Variants in ARHGAP8 observed in about 807,000 individuals in gnomAD.
ARHGAP8 encodes the protein Rho GTPase activating protein 8, also known as rho GTPase-activating protein 8.
Under a neutral mutation model 46.1 loss-of-function variants are expected in ARHGAP8, and 62 were observed. That is an observed-to-expected ratio of 1.34 (90% CI 1.10 to 1.66). The LOEUF (loss-of-function observed/expected upper bound fraction) is 1.66, where lower values mean the gene tolerates loss of function less well. ARHGAP8 is among the 40% of genes most tolerant of loss of function. ARHGAP8 has a pLI of 0.00. For missense variants in ARHGAP8, 923 were observed against 568.4 expected (o/e 1.62, Z -6.34); for synonymous variants, 375 against 243.1 (o/e 1.54, Z -5.05).
intron 10 of ARHGAP8, 91 bp downstream of exon 10, chr22:44,849,151 G>T: frequency 6.3e-7 from 1 of 1,580,740 alleles, no homozygotes; most frequent in African/African-American, 1.3e-5. Context: ...TGGGGTGGCC[G>T]AGGTGACGTG....
intron 4 of ARHGAP8, among the ~76,000 whole-genome samples, chr22:44,811,045 T>G (rs539912037): frequency 6.6e-6 from 1 of 152,306 alleles, no homozygotes; most frequent in African/African-American, 2.4e-5. Context: ...GCAGATTCCT[T>G]GAGGCAGCTC....
chr22:44,787,481 A>G (rs527797966), intron 2 of ARHGAP8, among the ~76,000 whole-genome samples: 18 of 152,216 alleles, frequency 1.2e-4, no homozygotes, highest in African/African-American at 3.6e-4. Context: ...AGTAGCTGGG[A>G]TTACAGGCGC....
In ARHGAP8 at chr22:44,845,252, C is replaced by A. The variant is rs767274409; in HGVS notation, c.597-17C>A. ...AAGCTCAGGTAAAAACTGCGACTTT[C>A]TTTTCTGTTTTCTCAGCCTCAAAGA... On this transcript the variant is annotated splice_polypyrimidine_tract_variant and intron_variant, in intron 7 of 11. Coordinates refer to ENST00000356099, the MANE Select transcript of ARHGAP8 (RefSeq NM_181335.3). The A allele has an allele frequency of 1.2e-6, 2 of 1,613,922 alleles. No homozygotes were observed. The highest frequency in any genetic ancestry group is 1.3e-5 in the African/African-American group (1 of 74,898).
intron 2 of ARHGAP8, among the ~76,000 whole-genome samples, chr22:44,791,233 G>A (rs1231470662): frequency 1.3e-5 from 2 of 152,154 alleles, no homozygotes; most frequent in African/African-American, 4.8e-5. Flanking sequence ...CGTGTCATTA[G>A]GGGGCTGTGC....
chr22:44,842,119 G>T (rs1931690974), intron 7 of ARHGAP8, among the ~76,000 whole-genome samples: 1 of 152,226 alleles, frequency 6.6e-6, no homozygotes, highest in African/African-American at 2.4e-5. Context: ...AGCACTTTGG[G>T]AGGCTGGGGC....
At chr22:44,861,832 AG>A (rs2147210688) in intron 11 of ARHGAP8, among the ~76,000 whole-genome samples, 1 of 152,266 alleles carries the variant, frequency 6.6e-6, no homozygotes, top group South Asian at 2.1e-4. Flanking sequence ...CCCTTCTAGC[AG>A]GCAAGCTCTT....
Position 44,862,360 on chromosome 22 carries a change from G to C in ARHGAP8, c.1067G>C (p.Gly356Ala), listed in dbSNP as rs147209719. The change falls in exon 12 of 12, where the codon GGG becomes GCG. Residue 356 changes from glycine to alanine, a missense_variant. Transcript: ENST00000356099. Reference sequence around the variant, plus strand: ...CTGAATTTGATCTGGCCATCCCAGGGGGTCTCCTCCCTGAGTGCCCTTGTG... The same window carrying C: ...CTGAATTTGATCTGGCCATCCCAGGCGGTCTCCTCCCTGAGTGCCCTTGTG... Reference protein sequence around the residue: ...FGLNLIWPSQGVSSLSALVPL... With the variant: ...FGLNLIWPSQAVSSLSALVPL... The C allele has an allele frequency of 1.2e-6, 2 of 1,614,020 alleles. No homozygotes were observed. The highest frequency in any genetic ancestry group is 1.7e-6 in the Non-Finnish European group (2 of 1,180,010).
intron 6 of ARHGAP8, among the ~76,000 whole-genome samples, chr22:44,823,064 T>C (rs1930268142): frequency 6.6e-6 from 1 of 152,208 alleles, no homozygotes; most frequent in Non-Finnish European, 1.5e-5. Context: ...TCTGAGGCGC[T>C]CCTTTGAAGG....
At chr22:44,786,409 C>T (rs188688230) in intron 1 of ARHGAP8, 48 bp from the exon 2 acceptor site, 202 of 1,541,866 alleles carry the variant, frequency 1.3e-4, no homozygotes, top group Non-Finnish European at 1.5e-4. Context: ...CCTCATTCCC[C>T]GCCTTACTGG....
chr22:44,859,631 C>CA (rs2070365443), intron 10 of ARHGAP8, 100 bp from the exon 11 acceptor site: 1 of 1,313,110 alleles, frequency 7.6e-7, no homozygotes. Context: ...AGTCCATCCT[C>CA]AGAGCTGTCC....
At position 44,862,614 on chromosome 22, in the gene ARHGAP8, T is replaced by TGTTTCG. The variant is rs757571797; in HGVS notation, c.*19_*20insGTTTCG. On this transcript the variant is annotated 3_prime_UTR_variant, in exon 12 of 12. Coordinates refer to ENST00000356099, the MANE Select transcript of ARHGAP8 (RefSeq NM_181335.3). Reference sequence around the variant, plus strand: ...TCTCTAGTGTTGCGAACACTCTGTATATTTCGAGCTACCTCCCACACCTGT... The same window carrying TGTTTCG: ...TCTCTAGTGTTGCGAACACTCTGTATGTTTCGATTTCGAGCTACCTCCCACACCTGT... The TGTTTCG allele has an allele frequency of 1.9e-6, 2 of 1,046,424 alleles. No individual in the cohort carries two copies. Among genetic ancestry groups the TGTTTCG allele is most frequent in the Admixed American group, 3.9e-5 (1 of 25,898 alleles). The allele number at this position is 1,046,424 out of a possible 1,614,324, so 64.8% of individuals were successfully genotyped here. A position where few individuals can be genotyped will look rare whatever the true frequency, so the allele number is the denominator to read the frequency against.
At chr22:44,850,328 C>G (rs1221068678) in intron 10 of ARHGAP8, 1 of 152,234 alleles carries the variant, frequency 6.6e-6, no homozygotes, top group Non-Finnish European at 1.5e-5. Context: ...CAGAGCCAGG[C>G]TGAGCCTCAT....
chr22:44,803,991 C>T lies in ARHGAP8; in HGVS notation c.167+1827C>T, dbSNP rs187335538. Among the ~76,000 whole-genome samples the T allele has an allele frequency of 2.1e-3, 317 of 150,814 alleles. 3 individuals carry two copies. The highest frequency in any genetic ancestry group is 7.5e-3 in the African/African-American group (309 of 41,054). On this transcript the variant is annotated intron_variant, in intron 3 of 11. Coordinates refer to ENST00000356099, the MANE Select transcript of ARHGAP8 (RefSeq NM_181335.3). ...CAGGCCACCAGACCCACCTGCAGGA[C>T]TGAGCCTTCTCCAGCCCAAAGCAGC...
At chr22:44,806,969 A>T (rs1236861167) in intron 3 of ARHGAP8, among the ~76,000 whole-genome samples, 1 of 151,802 alleles carries the variant, frequency 6.6e-6, no homozygotes, top group African/African-American at 2.4e-5. Flanking sequence ...AAAAAAAAAA[A>T]AAAAGAAATC....
At chr22:44,779,450 G>A (rs993186467) in intron 1 of ARHGAP8, among the ~76,000 whole-genome samples, 6 of 152,040 alleles carry the variant, frequency 3.9e-5, no homozygotes, top group Admixed American at 6.6e-5. Context: ...ACGTCGGTAC[G>A]CGTGGCTATA....
intron 1 of ARHGAP8, among the ~76,000 whole-genome samples, chr22:44,773,371 T>C (rs933319104): frequency 6.6e-6 from 1 of 152,232 alleles, no homozygotes; most frequent in African/African-American, 2.4e-5. Flanking sequence ...AGACATTTAC[T>C]TTGTAAACTT....
At chr22:44,855,725 T>TC (rs2070203794) in intron 10 of ARHGAP8, among the ~76,000 whole-genome samples, 1 of 151,928 alleles carries the variant, frequency 6.6e-6, no homozygotes, top group Non-Finnish European at 1.5e-5. Flanking sequence ...GTTCTCAGAG[T>TC]CCCCCAGGAT....
intron 1 of ARHGAP8, among the ~76,000 whole-genome samples, chr22:44,759,554 C>T (rs1327862487): frequency 6.6e-6 from 1 of 152,206 alleles, no homozygotes; most frequent in Non-Finnish European, 1.5e-5. Context: ...CCTTCATTCT[C>T]TGTGGGCTGC....
intron 5 of ARHGAP8, among the ~76,000 whole-genome samples, chr22:44,818,055 A>C (rs1233690576): frequency 6.6e-6 from 1 of 152,164 alleles, no homozygotes; most frequent in Non-Finnish European, 1.5e-5. Flanking sequence ...CAGAGACTGA[A>C]GTGAGCTGAG....
Sources: allele counts gnomAD v4.1 joint callset (sites outside exome capture counted in the v4.1 genomes callset), GRCh38; gene constraint gnomAD v4.1.1; transcripts MANE v1.5; gene names NCBI Gene and HGNC (gene_info 2026-07-23, HGNC 2026-07-21).